GRM8: variants seen among roughly 807,000 people sequenced by gnomAD.
GRM8 encodes the protein glutamate metabotropic receptor 8, also known as metabotropic glutamate receptor 8.
A neutral mutation model predicts 87.2 loss-of-function variants in GRM8; 47 were observed. That is an observed-to-expected ratio of 0.54 (90% CI 0.43 to 0.69). The LOEUF is 0.69. Ranked by LOEUF, GRM8 falls within the 30% of genes least tolerant of loss-of-function variation. GRM8 has a pLI of 0.00. For synonymous variants in GRM8, 396 were observed against 404.5 expected (o/e 0.98, Z 0.25); for missense variants, 1,019 against 1,139.2 (o/e 0.89, Z 1.52).
intron 2 of GRM8, among the ~76,000 whole-genome samples, chr7:127,194,471 T>A (rs1338450119): frequency 6.6e-6 from 1 of 152,172 alleles, no homozygotes. Context: ...AAAGCCCCCA[T>A]TCAACCTTTA....
intron 8 of GRM8, among the ~76,000 whole-genome samples, chr7:126,585,377 T>C (rs1796006163): frequency 6.6e-6 from 1 of 152,162 alleles, no homozygotes; most frequent in South Asian, 2.1e-4. Flanking sequence ...ACAATCTTCA[T>C]AAGGTTTGTC....
chr7:127,246,346 A>G (rs1298487273), intron 1 of GRM8, among the ~76,000 whole-genome samples: 1 of 152,176 alleles, frequency 6.6e-6, no homozygotes, highest in African/African-American at 2.4e-5. Flanking sequence ...CCTCTATTGT[A>G]TGTTTTGTGT....
At chr7:126,895,704 G>A (rs1801477518) in intron 6 of GRM8, among the ~76,000 whole-genome samples, 1 of 151,906 alleles carries the variant, frequency 6.6e-6, no homozygotes, top group Non-Finnish European at 1.5e-5. Context: ...TTTGCTTAAT[G>A]TTGTCATAGG....
At chr7:126,542,035 C>T (rs1431583554) in intron 8 of GRM8, among the ~76,000 whole-genome samples, 1 of 152,104 alleles carries the variant, frequency 6.6e-6, no homozygotes, top group African/African-American at 2.4e-5. Context: ...AGGACACAGG[C>T]ATGAATAGAG....
intron 6 of GRM8, among the ~76,000 whole-genome samples, chr7:126,796,721 T>C (rs1821988874): frequency 6.6e-6 from 1 of 152,064 alleles, no homozygotes; most frequent in Non-Finnish European, 1.5e-5. Flanking sequence ...TGACATAGAC[T>C]CCTCTGGCTA....
At chr7:126,787,821 A>G (rs570074587) in intron 6 of GRM8, among the ~76,000 whole-genome samples, 1 of 152,262 alleles carries the variant, frequency 6.6e-6, no homozygotes, top group South Asian at 2.1e-4. Flanking sequence ...TCATGCCTCA[A>G]TATGAAAATT....
At chr7:126,918,477 G>GA (rs373354549) in intron 3 of GRM8, among the ~76,000 whole-genome samples, 1 of 151,774 alleles carries the variant, frequency 6.6e-6, no homozygotes, top group Non-Finnish European at 1.5e-5. Context: ...AAGGAATACA[G>GA]AAAAAAAATT....
intron 2 of GRM8, among the ~76,000 whole-genome samples, chr7:127,165,473 G>A (rs188271508): frequency 9.5e-4 from 145 of 151,970 alleles, no homozygotes; most frequent in African/African-American, 3.4e-3. Context: ...CTCATCGGTG[G>A]ACAAGTTCAC....
chr7:126,595,573 T>C (rs939618432), intron 8 of GRM8, among the ~76,000 whole-genome samples: 1 of 152,044 alleles, frequency 6.6e-6, no homozygotes, highest in Admixed American at 6.6e-5. Flanking sequence ...GGTCCAGGTT[T>C]GTTATACAGG....
chr7:126,787,888 C>A (rs1820791636), intron 6 of GRM8, among the ~76,000 whole-genome samples: 1 of 151,966 alleles, frequency 6.6e-6, no homozygotes, highest in Non-Finnish European at 1.5e-5. Context: ...CACTAATATT[C>A]AGAGAAATTC....
intron 8 of GRM8, among the ~76,000 whole-genome samples, chr7:126,537,906 C>T (rs1200227892): frequency 6.6e-6 from 1 of 152,030 alleles, no homozygotes; most frequent in African/African-American, 2.4e-5. Flanking sequence ...CAAATTATAC[C>T]ATCTTTCATT....
intron 2 of GRM8, among the ~76,000 whole-genome samples, chr7:127,183,504 A>G (rs747621660): frequency 6.6e-6 from 1 of 151,856 alleles, no homozygotes; most frequent in Non-Finnish European, 1.5e-5. Flanking sequence ...AAAAATGAAA[A>G]CATAGCACCA....
chr7:126,716,088 T>C (rs1811704245), intron 7 of GRM8, among the ~76,000 whole-genome samples: 1 of 152,206 alleles, frequency 6.6e-6, no homozygotes, highest in Non-Finnish European at 1.5e-5. Flanking sequence ...ATATAGTAAG[T>C]GCTTAATAAT....
chr7:126,611,627 C>T (rs1375875445), intron 7 of GRM8, among the ~76,000 whole-genome samples: 6 of 152,158 alleles, frequency 3.9e-5, no homozygotes, highest in African/African-American at 1.2e-4. Context: ...TAAAGGGATA[C>T]TTAATTTTCT....
At chr7:126,879,246 GGAA>G (rs1799817755) in intron 6 of GRM8, among the ~76,000 whole-genome samples, 1 of 151,768 alleles carries the variant, frequency 6.6e-6, no homozygotes, top group African/African-American at 2.4e-5. Flanking sequence ...CTAAGGGAGG[GGAA>G]GAGGCAATTT....
intron 1 of GRM8, chr7:127,250,710 T>C (rs1187534942): frequency 6.6e-6 from 1 of 152,228 alleles, no homozygotes; most frequent in African/African-American, 2.4e-5. Context: ...ACAGAGATCT[T>C]TCACGGTATT....
intron 3 of GRM8, among the ~76,000 whole-genome samples, chr7:127,051,802 T>C (rs1819522267): frequency 6.7e-6 from 1 of 148,968 alleles, no homozygotes. Flanking sequence ...TTGATAACAT[T>C]TATATAGTAT....
intron 8 of GRM8, among the ~76,000 whole-genome samples, chr7:126,606,315 T>C (rs1798340898): frequency 6.6e-6 from 1 of 152,170 alleles, no homozygotes; most frequent in African/African-American, 2.4e-5. Context: ...CATAGAATAT[T>C]GAGATACTGA....
intron 6 of GRM8, among the ~76,000 whole-genome samples, chr7:126,885,925 G>A (rs1381799147): frequency 6.6e-6 from 1 of 152,044 alleles, no homozygotes; most frequent in Non-Finnish European, 1.5e-5. Context: ...CCTGAAGCAG[G>A]GGCTGCATTT....
Sources: gnomAD v4.1 joint callset for allele counts (sites outside exome capture counted in the v4.1 genomes callset) on GRCh38, gnomAD v4.1.1 for gene constraint, MANE v1.5 for transcripts, NCBI Gene and HGNC (gene_info 2026-07-23, HGNC 2026-07-21) for gene names.